Variants in NRG3 observed in about 807,000 individuals in gnomAD.
NRG3 encodes pro-neuregulin-3, membrane-bound isoform.
In NRG3, 31 loss-of-function variants were observed where a neutral mutation model predicts 66.9. The observed-to-expected ratio is 0.46, with a 90% CI of 0.35 to 0.63. NRG3 has a LOEUF of 0.63. Ranked by LOEUF, NRG3 falls within the 20% of genes least tolerant of loss-of-function variation. The pLI is 0.00. For synonymous variants in NRG3, 393 were observed against 359.4 expected (o/e 1.09, Z -1.06); for missense variants, 910 against 878.9 (o/e 1.04, Z -0.45).
At chr10:82,206,126 T>A (rs898543308) in intron 1 of NRG3, among the ~76,000 whole-genome samples, 1 of 152,160 alleles carries the variant, frequency 6.6e-6, no homozygotes, top group Non-Finnish European at 1.5e-5. Context: ...TGCTATTCAC[T>A]CTTCTCACCT....
At chr10:82,532,507 A>AG (rs1847368258) in intron 2 of NRG3, among the ~76,000 whole-genome samples, 1 of 147,618 alleles carries the variant, frequency 6.8e-6, no homozygotes, top group Non-Finnish European at 1.5e-5. Context: ...TACTATATAC[A>AG]TCTATATGTA....
intron 1 of NRG3, among the ~76,000 whole-genome samples, chr10:82,318,153 A>G (rs2081387237): frequency 1.3e-5 from 2 of 152,016 alleles, no homozygotes; most frequent in Admixed American, 6.5e-5. Context: ...ACCTTAAATG[A>G]TCTTGCAGCT....
In NRG3 at chr10:81,895,556, TAGAATC is replaced by T. The variant is rs544688823; in HGVS notation, c.823+19399_823+19404del. ...CTTAATTAGGTTGAAAATCAGCAAT[TAGAATC>T]AGAATGCCTGTAATAGTTGTTTTTC... On this transcript the variant is annotated intron_variant, in intron 1 of 8. Transcript: ENST00000372141. 6.1e-3 allele frequency among the ~76,000 whole-genome samples: 928 copies of T among 152,324 alleles called. 9 individuals are homozygous for T. The highest frequency in any genetic ancestry group is 0.021 in the African/African-American group (864 of 41,570).
chr10:82,728,039 C>T (rs527718123), intron 2 of NRG3, among the ~76,000 whole-genome samples: 5 of 152,250 alleles, frequency 3.3e-5, no homozygotes, highest in Non-Finnish European at 5.9e-5. Flanking sequence ...ACTGTATTTA[C>T]CCAATGCCTG....
intron 2 of NRG3, among the ~76,000 whole-genome samples, chr10:82,367,757 G>T (rs2084636521): frequency 6.6e-6 from 1 of 152,200 alleles, no homozygotes; most frequent in Non-Finnish European, 1.5e-5. Flanking sequence ...AACTTAGGAG[G>T]CTGAGGTGGG....
At chr10:82,227,410 T>A (rs1375956834) in intron 1 of NRG3, among the ~76,000 whole-genome samples, 1 of 152,126 alleles carries the variant, frequency 6.6e-6, no homozygotes, top group Non-Finnish European at 1.5e-5. Flanking sequence ...ATTATTATTT[T>A]ATTGTATCAT....
chr10:81,900,025 A>G (rs1843887287), intron 1 of NRG3, among the ~76,000 whole-genome samples: 1 of 150,584 alleles, frequency 6.6e-6, no homozygotes, highest in Non-Finnish European at 1.5e-5. Context: ...CGCCCAGGCT[A>G]GAATCTCCGC....
chr10:81,990,048 G>A (rs779350289), intron 1 of NRG3, among the ~76,000 whole-genome samples: 4 of 152,142 alleles, frequency 2.6e-5, no homozygotes, highest in Non-Finnish European at 5.9e-5. Flanking sequence ...GTTTGAAGAG[G>A]CAAAATATGC....
intron 1 of NRG3, among the ~76,000 whole-genome samples, chr10:81,979,807 C>T (rs939041231): frequency 2.0e-5 from 3 of 152,116 alleles, no homozygotes; most frequent in Non-Finnish European, 4.4e-5. Flanking sequence ...TTTACCAGAT[C>T]AGAAGTGAAA....
At chr10:82,583,291 T>TA (rs1418909713) in intron 2 of NRG3, among the ~76,000 whole-genome samples, 1 of 152,098 alleles carries the variant, frequency 6.6e-6, no homozygotes, top group African/African-American at 2.4e-5. Context: ...CTTGCTCTAT[T>TA]AAAAAAATAA....
intron 3 of NRG3, among the ~76,000 whole-genome samples, chr10:82,818,461 T>C (rs2061807947): frequency 6.6e-6 from 1 of 152,074 alleles, no homozygotes; most frequent in Non-Finnish European, 1.5e-5. Context: ...GTTTTCTTAT[T>C]TTAGAAAAAA....
chr10:82,375,503 C>T (rs1488687046), intron 2 of NRG3, among the ~76,000 whole-genome samples: 9 of 150,100 alleles, frequency 6.0e-5, no homozygotes, highest in African/African-American at 2.2e-4. Flanking sequence ...TGCCACCGCA[C>T]TCCAGCCTGG....
At chr10:82,393,663 C>G (rs150976714) in intron 2 of NRG3, among the ~76,000 whole-genome samples, 1 of 152,134 alleles carries the variant, frequency 6.6e-6, no homozygotes. Flanking sequence ...ATAAGTGAGT[C>G]AGCTGTTCGA....
At chr10:82,410,944 A>G (rs1470973204) in intron 2 of NRG3, among the ~76,000 whole-genome samples, 2 of 152,070 alleles carry the variant, frequency 1.3e-5, no homozygotes, top group Non-Finnish European at 2.9e-5. Flanking sequence ...TATATTTCTG[A>G]TTTTACTTAT....
intron 7 of NRG3, among the ~76,000 whole-genome samples, chr10:82,976,867 A>C (rs1367737822): frequency 6.6e-6 from 1 of 152,076 alleles, no homozygotes; most frequent in African/African-American, 2.4e-5. Flanking sequence ...TTCTCTCTGC[A>C]TTCTGGGAAC....
chr10:82,113,485 A>G lies in NRG3; in HGVS notation c.823+237322A>G, dbSNP rs377021369. 2.5e-3 allele frequency among the ~76,000 whole-genome samples: 378 copies of G among 152,318 alleles called. 2 individuals are homozygous for G. The Middle Eastern group carries it at 0.041, about 16-fold the overall frequency. On this transcript the variant is annotated intron_variant, in intron 1 of 8. Transcript: ENST00000372141. ...GATGCAACCGTGTGATACTGCTGATATCTGACTATTTTTACATAAAAAGAT... is the reference window on the plus strand; with the variant it reads ...GATGCAACCGTGTGATACTGCTGATGTCTGACTATTTTTACATAAAAAGAT...
chr10:82,553,557 G>T (rs1261922321), intron 2 of NRG3, among the ~76,000 whole-genome samples: 2 of 152,000 alleles, frequency 1.3e-5, no homozygotes, highest in East Asian at 1.9e-4. Context: ...AGGTATTTTT[G>T]ATTAGGTCTC....
intron 2 of NRG3, among the ~76,000 whole-genome samples, chr10:82,597,652 G>A (rs749120040): frequency 4.6e-5 from 7 of 152,184 alleles, no homozygotes; most frequent in Admixed American, 2.0e-4. Context: ...GCCGGGAGCA[G>A]TTGCTCATGC....
intron 3 of NRG3, among the ~76,000 whole-genome samples, chr10:82,789,825 T>C (rs1025289724): frequency 2.0e-5 from 3 of 152,038 alleles, no homozygotes; most frequent in Non-Finnish European, 2.9e-5. Context: ...TAATTCCCTT[T>C]TTTTTTTAAC....
Sources: gnomAD v4.1 joint callset for allele counts (sites outside exome capture counted in the v4.1 genomes callset) on GRCh38, gnomAD v4.1.1 for gene constraint, MANE v1.5 for transcripts, NCBI Gene and HGNC (gene_info 2026-07-23, HGNC 2026-07-21) for gene names.